Variants in TBC1D15 observed in about 807,000 individuals in gnomAD.
The protein encoded by TBC1D15 is GAP for RAB7.
In TBC1D15, 39 loss-of-function variants were observed where a neutral mutation model predicts 95.4. That is an observed-to-expected ratio of 0.41 (90% confidence interval 0.32 to 0.53). TBC1D15 has a LOEUF of 0.53. Among genes scored for constraint, TBC1D15 ranks in the 20% least tolerant of loss-of-function variants. TBC1D15 has a pLI of 0.29. For missense variants in TBC1D15, 733 were observed against 794.3 expected, an observed-to-expected ratio of 0.92 and a Z score of 0.93; for synonymous variants, 258 against 261.3, an observed-to-expected ratio of 0.99 and a Z score of 0.12.
At chr12:71,906,932 A>G in intron 10 of TBC1D15, 90 bp from the exon 11 acceptor site, 1 of 674,714 alleles carries the variant, frequency 1.5e-6, no homozygotes, top group Non-Finnish European at 2.3e-6. Flanking sequence ...ATTAATAGCA[A>G]GAAAAATGAC....
At chr12:71,840,746 T>C (rs887233621) in intron 1 of TBC1D15, among the ~76,000 whole-genome samples, 2 of 152,244 alleles carry the variant, frequency 1.3e-5, no homozygotes, top group African/African-American at 2.4e-5. Context: ...TCCCTGTTGC[T>C]TTCCCTACCC....
intron 12 of TBC1D15, among the ~76,000 whole-genome samples, chr12:71,914,877 T>TTTTC (rs1903310100): frequency 1.3e-5 from 2 of 152,016 alleles, no homozygotes; most frequent in South Asian, 4.1e-4. Flanking sequence ...GCTTGCCTAT[T>TTTTC]TTTCTTTCTC....
At chr12:71,894,608 G>C (rs983048112) in intron 6 of TBC1D15, 78 bp from the exon 7 acceptor site, 3 of 1,306,958 alleles carry the variant, frequency 2.3e-6, no homozygotes, top group Non-Finnish European at 3.2e-6. Flanking sequence ...AAAAAGCTTT[G>C]CTTTTTTGCT....
At chr12:71,869,788 C>T (rs534353239) in intron 1 of TBC1D15, among the ~76,000 whole-genome samples, 1 of 152,110 alleles carries the variant, frequency 6.6e-6, no homozygotes, top group East Asian at 1.9e-4. Context: ...TCTGGTTCAC[C>T]CTCCTGTTTG....
intron 1 of TBC1D15, among the ~76,000 whole-genome samples, chr12:71,842,953 A>G (rs1242642007): frequency 1.3e-5 from 2 of 151,606 alleles, no homozygotes; most frequent in African/African-American, 4.9e-5. Flanking sequence ...CACTTCATTC[A>G]CTCTAGGTTT....
intron 1 of TBC1D15, chr12:71,854,705 CT>C: frequency 4.4e-6 from 2 of 455,468 alleles, no homozygotes; most frequent in Non-Finnish European, 8.8e-6. Context: ...ATTAAAGTGT[CT>C]TTTTTCTTCC....
In TBC1D15 at chr12:71,923,197, C is replaced by CTGCATGAT; in HGVS notation, c.2019_*1dup. 4 of 1,613,992 alleles carry CTGCATGAT rather than the reference C, an allele frequency of 2.5e-6. No individual in the cohort carries two copies. The highest frequency in any genetic ancestry group is 2.5e-6 in the Non-Finnish European group (3 of 1,179,898). On this transcript the variant is annotated stop_gained and frameshift_variant, in exon 17 of 17. Coordinates refer to ENST00000485960, the MANE Select transcript of TBC1D15 (RefSeq NM_001146213.3). LOFTEE classifies it high-confidence loss of function. Reference sequence around the variant, plus strand: ...TCCTCAGATGTCTGCAGATTAACACCTGCATGATCACTGTTCTTGCTTTTT... The same window carrying CTGCATGAT: ...TCCTCAGATGTCTGCAGATTAACACCTGCATGATTGCATGATCACTGTTCTTGCTTTTT...
At chr12:71,865,995 T>C (rs1376422674) in intron 1 of TBC1D15, among the ~76,000 whole-genome samples, 1 of 152,052 alleles carries the variant, frequency 6.6e-6, no homozygotes, top group Non-Finnish European at 1.5e-5. Context: ...ATGGGACTGC[T>C]CTGAGTGGCC....
intron 1 of TBC1D15, chr12:71,849,531 A>G: frequency 1.4e-6 from 1 of 732,680 alleles, no homozygotes; most frequent in South Asian, 1.4e-5. Context: ...GGTCAGCTGT[A>G]GATTCAACTT....
At chr12:71,911,942 T>G (rs1902478216) in intron 11 of TBC1D15, among the ~76,000 whole-genome samples, 1 of 152,182 alleles carries the variant, frequency 6.6e-6, no homozygotes, top group South Asian at 2.1e-4. Flanking sequence ...GAATTTTTAT[T>G]CATTATAACT....
chr12:71,886,147 T>C (rs1335081268), intron 5 of TBC1D15, among the ~76,000 whole-genome samples: 2 of 152,136 alleles, frequency 1.3e-5, no homozygotes, highest in African/African-American at 4.8e-5. Flanking sequence ...AGGGAGAAGT[T>C]GAGGTTTTGG....
chr12:71,857,645 A>G (rs781151206), intron 1 of TBC1D15, among the ~76,000 whole-genome samples: 3 of 152,226 alleles, frequency 2.0e-5, no homozygotes, highest in Non-Finnish European at 4.4e-5. Context: ...TATGTATATA[A>G]TGTGTAATCA....
intron 6 of TBC1D15, 99 bp downstream of exon 6, chr12:71,893,423 C>CAT (rs1214671244): frequency 1.7e-6 from 1 of 591,712 alleles, no homozygotes; most frequent in Middle Eastern, 3.1e-4. Flanking sequence ...GAGACAGGTA[C>CAT]ATATATATAC....
At chr12:71,896,829 C>T in intron 9 of TBC1D15, 49 bp downstream of exon 9, 1 of 1,454,778 alleles carries the variant, frequency 6.9e-7, no homozygotes, top group Non-Finnish European at 9.5e-7. Context: ...AAGTAACCCA[C>T]TCATACAAAT....
At chr12:71,887,347 A>G (rs1896437429) in intron 5 of TBC1D15, among the ~76,000 whole-genome samples, 1 of 152,208 alleles carries the variant, frequency 6.6e-6, no homozygotes, top group African/African-American at 2.4e-5. Context: ...AAATGGTCCT[A>G]TGAAAAATAT....
At chr12:71,893,979 TGA>T (rs1320503331) in intron 6 of TBC1D15, among the ~76,000 whole-genome samples, 2 of 152,030 alleles carry the variant, frequency 1.3e-5, no homozygotes, top group African/African-American at 2.4e-5. Flanking sequence ...GGAAAGAGGA[TGA>T]GAGAGAGAAC....
At position 71,896,063 on chromosome 12, in the gene TBC1D15, G is replaced by A. The variant is rs756883142; in HGVS notation, c.972G>A (p.Met324Ile). ...TAAATGTAGATAATATGAAGCAGAT[G>A]ATATTTAGAGGGGTAATTTAAACAC... ...RILNVDNMKQ[M>I]IFRGGLSHAL... Residue 324 changes from methionine (M) to isoleucine (I), a missense_variant, in exon 8 of 17, where the codon ATG becomes ATA. Transcript: ENST00000485960. 7.5e-6 allele frequency: 12 copies of A among 1,607,820 alleles called. No homozygotes were observed. The East Asian group carries it at 2.2e-4, about 30-fold the overall frequency.
At chr12:71,883,055 A>G (rs752416237) in intron 4 of TBC1D15, among the ~76,000 whole-genome samples, 1 of 152,070 alleles carries the variant, frequency 6.6e-6, no homozygotes, top group Non-Finnish European at 1.5e-5. Flanking sequence ...ATTAATTTAG[A>G]TAAAATACTC....
intron 1 of TBC1D15, among the ~76,000 whole-genome samples, chr12:71,847,850 C>A (rs2137863220): frequency 6.6e-6 from 1 of 152,202 alleles, no homozygotes; most frequent in East Asian, 1.9e-4. Flanking sequence ...GTAATCCCAG[C>A]ACTTTGGGAG....
Sources: allele counts gnomAD v4.1 joint callset (sites outside exome capture counted in the v4.1 genomes callset), GRCh38; gene constraint gnomAD v4.1.1; transcripts MANE v1.5; gene names NCBI Gene and HGNC (gene_info 2026-07-23, HGNC 2026-07-21).